RAPH1: variants seen among roughly 807,000 people sequenced by gnomAD.
RAPH1 encodes the protein Ras association (RalGDS/AF-6) and pleckstrin homology domains 1, also known as ras-associated and pleckstrin homology domains-containing protein 1.
Under a neutral mutation model 88.1 loss-of-function variants are expected in RAPH1, and 18 were observed. The ratio of observed to expected loss-of-function variants is 0.20; its 90% CI spans 0.14 to 0.30. The LOEUF is 0.30. Among genes scored for constraint, RAPH1 ranks in the 10% least tolerant of loss-of-function variants. The pLI is 1.00. For missense variants in RAPH1, 1,448 were observed against 1,543.2 expected (o/e 0.94, Z 1.03); for synonymous variants, 587 against 559.0 (o/e 1.05, Z -0.71).
chr2:203,439,365 A>G lies in RAPH1; in HGVS notation c.*72T>C. 2 of 1,453,730 alleles carry G rather than the reference A, an allele frequency of 1.4e-6. No individual in the cohort carries two copies. The highest frequency in any genetic ancestry group is 1.9e-6 in the Non-Finnish European group (2 of 1,054,422). 90.1% of individuals were successfully genotyped at this position (1,453,730 alleles called of 1,614,324 possible). ...CATACCAGGAGGCTCTGAACACCTG[A>G]ATTCACAGATGATCAGGTGAGCTGA... On this transcript the variant is annotated 3_prime_UTR_variant, in exon 14 of 14. Coordinates refer to ENST00000319170, the MANE Select transcript of RAPH1 (RefSeq NM_213589.3).
intron 13 of RAPH1, chr2:203,444,650 A>C (rs565394896): frequency 2.3e-6 from 1 of 431,790 alleles, no homozygotes; most frequent in Non-Finnish European, 4.0e-6. Context: ...ATTTTAAGTC[A>C]TTAGAGCCAA....
intron 1 of RAPH1, among the ~76,000 whole-genome samples, chr2:203,511,134 G>A (rs1689324373): frequency 6.6e-6 from 1 of 152,104 alleles, no homozygotes; most frequent in East Asian, 1.9e-4. Context: ...TCTGGAAAGA[G>A]AGAAACCATA....
rs2098518527 is a variant in RAPH1, at chr2:203,455,429, G to A, written c.1302+8C>T. Reference sequence around the variant, plus strand: ...GAGGAAGTTCAAATTCCAACAGAAGGGACACACCTTTGCTTTTCCTTTGGG... The same window carrying A: ...GAGGAAGTTCAAATTCCAACAGAAGAGACACACCTTTGCTTTTCCTTTGGG... On this transcript the variant is annotated splice_region_variant and intron_variant, in intron 9 of 13. Coordinates refer to ENST00000319170, the MANE Select transcript of RAPH1 (RefSeq NM_213589.3). 2 of 1,610,664 alleles carry A rather than the reference G, an allele frequency of 1.2e-6. No homozygotes were observed. The highest frequency in any genetic ancestry group is 2.2e-5 in the South Asian group (2 of 90,038).
At chr2:203,475,718 T>C (rs954056211) in intron 4 of RAPH1, among the ~76,000 whole-genome samples, 10 of 150,580 alleles carry the variant, frequency 6.6e-5, no homozygotes, top group Admixed American at 4.6e-4. Flanking sequence ...GGTCCACTCA[T>C]ATTTCTGTTC....
At chr2:203,513,257 C>A (rs986598779) in intron 1 of RAPH1, among the ~76,000 whole-genome samples, 13 of 151,826 alleles carry the variant, frequency 8.6e-5, no homozygotes, top group African/African-American at 3.1e-4. Context: ...TTCCTCCACT[C>A]CTCCAACCCC....
At chr2:203,482,282 T>C (rs1406057320) in intron 4 of RAPH1, among the ~76,000 whole-genome samples, 1 of 152,122 alleles carries the variant, frequency 6.6e-6, no homozygotes, top group Non-Finnish European at 1.5e-5. Flanking sequence ...GCCGCCCAGG[T>C]TCAAGTGATT....
At position 203,493,839 on chromosome 2, in the gene RAPH1, C is replaced by T. The variant is rs775321469; in HGVS notation, c.120+1395G>A. Reference sequence around the variant, plus strand: ...ATACAAAACCAGCTGGGCATGGTGGCGCATGCCTGTAATCCCAGCTACCTG... The same window carrying T: ...ATACAAAACCAGCTGGGCATGGTGGTGCATGCCTGTAATCCCAGCTACCTG... On this transcript the variant is annotated intron_variant, in intron 2 of 13. Transcript: ENST00000319170. 2.6e-5 allele frequency among the ~76,000 whole-genome samples: 4 copies of T among 151,628 alleles called. No homozygotes were observed. The East Asian group carries it at 5.8e-4, about 22-fold the overall frequency.
intron 1 of RAPH1, among the ~76,000 whole-genome samples, chr2:203,499,104 G>T (rs901463047): frequency 6.6e-6 from 1 of 152,120 alleles, no homozygotes; most frequent in African/African-American, 2.4e-5. Context: ...TTCTCAGGAA[G>T]TATCTTCATC....
intron 3 of RAPH1, 143 bp from the exon 4 acceptor site, chr2:203,490,232 T>C: frequency 2.4e-6 from 2 of 829,408 alleles, no homozygotes; most frequent in South Asian, 4.3e-5. Flanking sequence ...TTGTTTTAAA[T>C]TCCAAGATAA....
chr2:203,514,329 G>C (rs537354923), intron 1 of RAPH1, among the ~76,000 whole-genome samples: 255 of 152,254 alleles, frequency 1.7e-3, no homozygotes, highest in South Asian at 2.9e-3. Flanking sequence ...GAGGTGCTTT[G>C]ACTTCTAATT....
At chr2:203,461,173 A>T in intron 6 of RAPH1, 76 bp downstream of exon 6, 1 of 801,834 alleles carries the variant, frequency 1.2e-6, no homozygotes, top group Non-Finnish European at 1.8e-6. Context: ...AGATAACTCA[A>T]AATGTTTTTA....
Position 203,440,886 on chromosome 2 carries a change from A to C in RAPH1, c.2304T>G (p.Pro768=). Reference sequence around the variant, plus strand: ...CTTGGGGAGGGAGGGGTGCAGGGATAGGAGGAGGTGGGGGGGGTGTTGGGG... The same window carrying C: ...CTTGGGGAGGGAGGGGTGCAGGGATCGGAGGAGGTGGGGGGGGTGTTGGGG... ...VAPPTPPPPP[P]IPAPLPPQAP... is the part of the protein sequence containing the mutation. The change falls in exon 14 of 14, where the codon CCT becomes CCG. Residue 768 remains proline (P), a synonymous_variant. Coordinates refer to ENST00000319170, the MANE Select transcript of RAPH1 (RefSeq NM_213589.3). 2.4e-6 allele frequency: 1 copy of C among 411,676 alleles called. No homozygotes were observed. The highest frequency in any genetic ancestry group is 3.4e-6 in the Non-Finnish European group (1 of 293,530). 25.5% of individuals were successfully genotyped at this position (411,676 alleles called of 1,614,324 possible). A position where few individuals can be genotyped will look rare whatever the true frequency, so the allele number is the denominator to read the frequency against.
intron 1 of RAPH1, among the ~76,000 whole-genome samples, chr2:203,522,773 G>A (rs2105972843): frequency 6.6e-6 from 1 of 151,684 alleles, no homozygotes; most frequent in African/African-American, 2.4e-5. Context: ...ATGGTGGCGG[G>A]CACCTGTAAT....
chr2:203,519,416 T>G (rs1349206226), intron 1 of RAPH1, among the ~76,000 whole-genome samples: 2 of 152,144 alleles, frequency 1.3e-5, no homozygotes, highest in African/African-American at 4.8e-5. Context: ...ATCATATCAA[T>G]AGATGTAGAA....
At chr2:203,531,491 G>A (rs1021746363) in intron 1 of RAPH1, among the ~76,000 whole-genome samples, 1 of 152,136 alleles carries the variant, frequency 6.6e-6, no homozygotes, top group African/African-American at 2.4e-5. Flanking sequence ...TCATATATTT[G>A]ATAAGGGATT....
intron 1 of RAPH1, among the ~76,000 whole-genome samples, chr2:203,503,481 C>T (rs904352621): frequency 7.9e-5 from 12 of 152,110 alleles, no homozygotes; most frequent in Admixed American, 7.2e-4. Flanking sequence ...ACAAGATTAG[C>T]ACAAGAAAGA....
intron 4 of RAPH1, among the ~76,000 whole-genome samples, chr2:203,469,016 A>G (rs2098530926): frequency 1.3e-5 from 2 of 152,220 alleles, no homozygotes; most frequent in Admixed American, 6.5e-5. Flanking sequence ...GATATAAATT[A>G]TGGAGCCCAG....
chr2:203,530,271 T>C (rs556412186), intron 1 of RAPH1, among the ~76,000 whole-genome samples: 1 of 152,296 alleles, frequency 6.6e-6, no homozygotes, highest in Admixed American at 6.5e-5. Flanking sequence ...ACACAGCCTC[T>C]CAAATATATA....
chr2:203,472,184 G>A (rs1581308382), intron 4 of RAPH1, among the ~76,000 whole-genome samples: 1 of 150,950 alleles, frequency 6.6e-6, no homozygotes. Flanking sequence ...CCAGACTGGA[G>A]GGCAGTGGCG....
Sources: gnomAD v4.1 joint callset for allele counts (sites outside exome capture counted in the v4.1 genomes callset) on GRCh38, gnomAD v4.1.1 for gene constraint, MANE v1.5 for transcripts, NCBI Gene and HGNC (gene_info 2026-07-23, HGNC 2026-07-21) for gene names.